The following TRANK1 variants were observed in gnomAD, a reference collection of about 807,000 sequenced individuals.
TRANK1 encodes TPR and ankyrin repeat-containing protein 1.
Under a neutral mutation model 266.0 loss-of-function variants are expected in TRANK1, and 198 were observed. The observed-to-expected ratio is 0.74, with a 90% CI of 0.66 to 0.84. TRANK1 has a LOEUF of 0.84. TRANK1 is among the 40% of genes least tolerant of loss of function. The pLI is 0.00. For synonymous variants in TRANK1, 1,396 were observed against 1,384.1 expected, an observed-to-expected ratio of 1.01 and a Z score of -0.19; for missense variants, 3,326 against 3,634.6, an observed-to-expected ratio of 0.92 and a Z score of 2.18.
chr3:36,858,148 G>C, intron 12 of TRANK1, 99 bp from the exon 13 acceptor site: 1 of 1,042,274 alleles, frequency 9.6e-7, no homozygotes, highest in Non-Finnish European at 1.4e-6. Context: ...GGGCATCTCA[G>C]AATGCTGAAC....
chr3:36,860,172 G>A (rs1389728430), intron 11 of TRANK1, among the ~76,000 whole-genome samples: 1 of 152,146 alleles, frequency 6.6e-6, no homozygotes, highest in African/African-American at 2.4e-5. Flanking sequence ...CTAAAAGCCT[G>A]CACACATTAA....
intron 1 of TRANK1, among the ~76,000 whole-genome samples, chr3:36,927,726 G>A (rs1057486644): frequency 2.0e-5 from 3 of 152,186 alleles, no homozygotes; most frequent in African/African-American, 7.2e-5. Context: ...GTTTTGGAGA[G>A]TGCAGTTCCA....
Position 36,851,721 on chromosome 3 carries a change from C to A in TRANK1, c.4885G>T (p.Glu1629Ter). 1.2e-6 allele frequency: 2 copies of A among 1,610,586 alleles called. No homozygotes were observed. Among genetic ancestry groups the A allele is most frequent in the Non-Finnish European group, 1.7e-6 (2 of 1,178,942 alleles). ...VLLYNFFTDS[E>*]AYKEWKIISS... ...GAAAAGAATTAGGTGTGACATACCT[C>A]AGAATCAGTAAAAAAGTTGTAAAGG... The change falls in exon 15 of 24, where the codon GAG becomes TAG. Residue 1629 changes from glutamate to a stop codon, truncating the protein, a stop_gained and splice_region_variant. Coordinates refer to ENST00000645898, the MANE Select transcript of TRANK1 (RefSeq NM_001329998.2). LOFTEE classifies it high-confidence loss of function.
chr3:36,895,624 A>G lies in TRANK1; in HGVS notation c.552+16T>C. 1.4e-6 allele frequency: 2 copies of G among 1,461,730 alleles called. No individual in the cohort carries two copies. The highest frequency in any genetic ancestry group is 1.2e-5 in the South Asian group (1 of 80,278). The allele number at this position is 1,461,730 out of a possible 1,614,324, so 90.5% of individuals were successfully genotyped here. On this transcript the variant is annotated intron_variant, in intron 5 of 23. Coordinates refer to ENST00000645898, the MANE Select transcript of TRANK1 (RefSeq NM_001329998.2). Reference sequence around the variant, plus strand: ...AGAATGTACTCTCCCCGTGAGAGCCATCTCCTTTTACTTACATGCCATAAT... The same window carrying G: ...AGAATGTACTCTCCCCGTGAGAGCCGTCTCCTTTTACTTACATGCCATAAT...
intron 1 of TRANK1, among the ~76,000 whole-genome samples, chr3:36,918,325 G>A (rs867068730): frequency 4.6e-5 from 7 of 151,564 alleles, no homozygotes; most frequent in East Asian, 1.9e-4. Context: ...TCCAGAAATC[G>A]TTTGTACAAT....
chr3:36,913,368 A>G (rs1214266376), intron 1 of TRANK1, among the ~76,000 whole-genome samples: 1 of 148,290 alleles, frequency 6.7e-6, no homozygotes, highest in Non-Finnish European at 1.5e-5. Context: ...CTATCTTTCT[A>G]TCTATCTTTC....
chr3:36,851,925 G>C (rs960968381), intron 14 of TRANK1, 69 bp from the exon 15 acceptor site: 2 of 1,496,072 alleles, frequency 1.3e-6, no homozygotes, highest in African/African-American at 2.8e-5. Flanking sequence ...TATTTCTATG[G>C]GAGATAGGTA....
At position 36,833,925 on chromosome 3, in the gene TRANK1, A is replaced by G. The variant is rs756675612; in HGVS notation, c.5664-6T>C. The G allele has an allele frequency of 1.3e-6, 2 of 1,589,586 alleles. No individual in the cohort carries two copies. The highest frequency in any genetic ancestry group is 2.2e-5 in the East Asian group (1 of 44,728). On this transcript the variant is annotated splice_region_variant and splice_polypyrimidine_tract_variant and intron_variant, in intron 21 of 23. Coordinates refer to ENST00000645898, the MANE Select transcript of TRANK1 (RefSeq NM_001329998.2). Reference sequence around the variant, plus strand: ...TCTTTAGCATTTCTTCATACCTGCAAAGACAAAGGACACAAATGTCAACTT... The same window carrying G: ...TCTTTAGCATTTCTTCATACCTGCAGAGACAAAGGACACAAATGTCAACTT...
At chr3:36,861,534 A>G (rs933418519) in intron 10 of TRANK1, among the ~76,000 whole-genome samples, 1 of 152,178 alleles carries the variant, frequency 6.6e-6, no homozygotes, top group Non-Finnish European at 1.5e-5. Context: ...GAGATACTAC[A>G]GAACAATTAA....
chr3:36,874,526 G>A (rs764861534), intron 8 of TRANK1, among the ~76,000 whole-genome samples: 1 of 152,084 alleles, frequency 6.6e-6, no homozygotes, highest in Non-Finnish European at 1.5e-5. Flanking sequence ...TCAGAAGTGC[G>A]CTCCTCTCTA....
Position 36,832,130 on chromosome 3 carries a change from G to A in TRANK1, c.7453C>T (p.Leu2485Phe). 6.2e-7 allele frequency: 1 copy of A among 1,613,988 alleles called. No homozygotes were observed. Among genetic ancestry groups the A allele is most frequent in the Non-Finnish European group, 8.5e-7 (1 of 1,179,876 alleles). Residue 2485 changes from leucine (L) to phenylalanine (F), a missense_variant, in exon 22 of 24, where the codon CTC (leucine) becomes TTC (phenylalanine). Coordinates refer to ENST00000645898, the MANE Select transcript of TRANK1 (RefSeq NM_001329998.2). ...AACAGGAACTCCCAGTAGTGCAAGA[G>A]TGCAATGTAGCTCTTGGGGAGGCAT... ...ILCLPKSYIA[L>F]LHYWEFLFSK...
chr3:36,938,843 C>T (rs557230198), intron 1 of TRANK1, among the ~76,000 whole-genome samples: 2 of 151,994 alleles, frequency 1.3e-5, no homozygotes, highest in East Asian at 3.9e-4. Flanking sequence ...GCCTATAGTC[C>T]CAGCTACTCA....
Position 36,846,185 on chromosome 3 carries a change from A to G in TRANK1, c.5191+63T>C, listed in dbSNP as rs1205433119. ...AATACCACACCTTTTATTCCTGACC[A>G]TAAGAACAGTTGAGAGAAACACGAT... On this transcript the variant is annotated intron_variant, in intron 17 of 23. Coordinates refer to ENST00000645898, the MANE Select transcript of TRANK1 (RefSeq NM_001329998.2). 9.7e-6 allele frequency: 14 copies of G among 1,447,282 alleles called. No homozygotes were observed. In the African/African-American group the frequency reaches 1.7e-4, roughly 18 times the overall value. The allele number at this position is 1,447,282 out of a possible 1,614,324, so 89.7% of individuals were successfully genotyped here. A position where few individuals can be genotyped will look rare whatever the true frequency, so the allele number is the denominator to read the frequency against.
chr3:36,905,799 T>C (rs2125628375), intron 2 of TRANK1, among the ~76,000 whole-genome samples: 1 of 152,308 alleles, frequency 6.6e-6, no homozygotes, highest in Admixed American at 6.5e-5. Flanking sequence ...ACACCATCCC[T>C]GCTTAGAGCC....
At chr3:36,923,957 T>C (rs2080252983) in intron 1 of TRANK1, among the ~76,000 whole-genome samples, 1 of 152,190 alleles carries the variant, frequency 6.6e-6, no homozygotes, top group Non-Finnish European at 1.5e-5. Flanking sequence ...GAAGACTCTC[T>C]CTCCTATCTG....
At chr3:36,875,590 G>T (rs1039389030) in intron 8 of TRANK1, among the ~76,000 whole-genome samples, 2 of 152,168 alleles carry the variant, frequency 1.3e-5, no homozygotes, top group African/African-American at 4.8e-5. Flanking sequence ...TAATAAATGG[G>T]TGTTGTTTCA....
chr3:36,917,171 C>A (rs1225654447), intron 1 of TRANK1, among the ~76,000 whole-genome samples: 1 of 152,112 alleles, frequency 6.6e-6, no homozygotes, highest in African/African-American at 2.4e-5. Flanking sequence ...CACACCCACA[C>A]ACACACACAG....
At chr3:36,842,050 A>G (rs2078851421) in intron 18 of TRANK1, among the ~76,000 whole-genome samples, 5 of 152,242 alleles carry the variant, frequency 3.3e-5, no homozygotes, top group Admixed American at 3.3e-4. Context: ...GAAAAGCAAC[A>G]TGGCTCTTTA....
intron 1 of TRANK1, among the ~76,000 whole-genome samples, chr3:36,918,521 A>AGG (rs1420820992): frequency 6.7e-4 from 24 of 35,918 alleles, no homozygotes; most frequent in African/African-American, 1.9e-3. Flanking sequence ...GAAAGAAAGA[A>AGG]AGAAAGAAAG....
Sources: allele counts gnomAD v4.1 joint callset (sites outside exome capture counted in the v4.1 genomes callset), GRCh38; gene constraint gnomAD v4.1.1; transcripts MANE v1.5; gene names NCBI Gene and HGNC (gene_info 2026-07-23, HGNC 2026-07-21).